CD276: variants seen among roughly 807,000 people sequenced by gnomAD.
CD276 encodes the protein CD276 antigen.
A neutral mutation model predicts 50.0 loss-of-function variants in CD276; 34 were observed. That is an observed-to-expected ratio of 0.68 (90% CI 0.52 to 0.91). The LOEUF (loss-of-function observed/expected upper bound fraction) is 0.91. CD276 is among the 40% of genes least tolerant of loss of function. CD276 has a pLI of 0.00. For missense variants in CD276, 634 were observed against 717.5 expected, an observed-to-expected ratio of 0.88 and a Z score of 1.33; for synonymous variants, 275 against 313.0, an observed-to-expected ratio of 0.88 and a Z score of 1.28.
intron 1 of CD276, among the ~76,000 whole-genome samples, chr15:73,694,254 C>T (rs982235908): frequency 4.6e-5 from 7 of 152,194 alleles, no homozygotes; most frequent in African/African-American, 1.4e-4. Flanking sequence ...TCAATACAAA[C>T]AGTCCCCAAG....
rs776970810 is a variant in CD276, at chr15:73,687,043, G to A, written c.-55+2583G>A. On this transcript the variant is annotated intron_variant, in intron 1 of 9. Coordinates refer to ENST00000318443, the MANE Select transcript of CD276 (RefSeq NM_001024736.2). The surrounding 1 kb of genome is among the most constrained non-coding windows in gnomAD (Gnocchi z 4.0). Reference sequence around the variant, plus strand: ...GCACACCCAGGGCCTAGGGGAGGGGGAGAGGGGTGAGGACTGGTCCACATG... The same window carrying A: ...GCACACCCAGGGCCTAGGGGAGGGGAAGAGGGGTGAGGACTGGTCCACATG... 1.0e-3 allele frequency among the ~76,000 whole-genome samples: 152 copies of A among 152,178 alleles called. No homozygotes were observed. Among genetic ancestry groups the A allele is most frequent in the Non-Finnish European group, 1.2e-3 (82 of 68,038 alleles).
chr15:73,704,215 A>G lies in CD276; in HGVS notation c.1112A>G (p.Lys371Arg). 6.2e-7 allele frequency: 1 copy of G among 1,614,020 alleles called. No individual in the cohort carries two copies. The highest frequency in any genetic ancestry group is 8.5e-7 in the Non-Finnish European group (1 of 1,179,982). ...CCCAGCATGACCCTGGAGCCCAACAAGGACCTGCGGCCAGGGGACACGGTG... is the reference window on the plus strand; with the variant it reads ...CCCAGCATGACCCTGGAGCCCAACAGGGACCTGCGGCCAGGGGACACGGTG... ...SKPSMTLEPN[K>R]DLRPGDTVTI... is the part of the protein sequence containing the mutation. The change falls in exon 6 of 10, where the codon AAG becomes AGG. Residue 371 changes from lysine to arginine, a missense_variant. Physicochemically the swap from Lys to Arg is conservative, Grantham distance 26. Coordinates refer to ENST00000318443, the MANE Select transcript of CD276 (RefSeq NM_001024736.2). The surrounding 1 kb of genome is among the most constrained non-coding windows in gnomAD (Gnocchi z 4.1).
chr15:73,689,558 G>A (rs1899910344), intron 1 of CD276, among the ~76,000 whole-genome samples: 1 of 152,104 alleles, frequency 6.6e-6, no homozygotes, highest in Admixed American at 6.5e-5. Flanking sequence ...CATTTATAGA[G>A]CACCTAGTAT....
chr15:73,703,571 T>C, intron 4 of CD276, 88 bp from the exon 5 acceptor site: 1 of 1,054,276 alleles, frequency 9.5e-7, no homozygotes, highest in South Asian at 1.6e-5. Context: ...GTCTGGGAAT[T>C]GATGGGGGAA....
chr15:73,694,114 C>T (rs1233964124), intron 1 of CD276, among the ~76,000 whole-genome samples: 1 of 152,120 alleles, frequency 6.6e-6, no homozygotes, highest in Non-Finnish European at 1.5e-5. Flanking sequence ...GTGGATGATC[C>T]ATAGTCGAGC....
At chr15:73,690,561 T>A (rs1005112856) in intron 1 of CD276, 5 of 390,526 alleles carry the variant, frequency 1.3e-5, no homozygotes, top group African/African-American at 1.0e-4. Context: ...TATCCTATTG[T>A]GGAAGGGCAT....
At chr15:73,707,032 CCT>C (rs1567022295) in intron 6 of CD276, among the ~76,000 whole-genome samples, 1 of 152,224 alleles carries the variant, frequency 6.6e-6, no homozygotes, top group East Asian at 1.9e-4. Flanking sequence ...TTTCTGCACA[CCT>C]CTCTTCATCA....
At chr15:73,695,843 A>G (rs1410206324) in intron 1 of CD276, among the ~76,000 whole-genome samples, 1 of 152,198 alleles carries the variant, frequency 6.6e-6, no homozygotes, top group Non-Finnish European at 1.5e-5. Flanking sequence ...AGTGTTGCCC[A>G]AGGAGCCCCT....
Position 73,699,570 on chromosome 15 carries a change from G to A in CD276, c.-54-16G>A, listed in dbSNP as rs575599332. ...GAACCTTTGGAGACAAAGGCCTTGC[G>A]TCCTCTTTCTCCCAGGCAGGGGCAG... On this transcript the variant is annotated splice_polypyrimidine_tract_variant and intron_variant, in intron 1 of 9. Transcript: ENST00000318443. 3.7e-5 allele frequency: 58 copies of A among 1,582,572 alleles called. No homozygotes were observed. The highest frequency in any genetic ancestry group is 1.8e-4 in the East Asian group (8 of 43,530).
Position 73,687,256 on chromosome 15 carries a change from A to G in CD276, c.-55+2796A>G, listed in dbSNP as rs1207992521. Among the ~76,000 whole-genome samples the G allele has an allele frequency of 6.6e-6, 1 of 152,120 alleles. No homozygotes were observed. Among genetic ancestry groups the G allele is most frequent in the African/African-American group, 2.4e-5 (1 of 41,400 alleles). On this transcript the variant is annotated intron_variant, in intron 1 of 9. Transcript: ENST00000318443. This position sits in a 1 kb window ranked among gnomAD's most constrained non-coding sequence, Gnocchi z 4.0. ...GGGTTGTGCTGGAGGCTAAATAGAC[A>G]TTATCTCATGTAATCCTCATAGTAA...
At chr15:73,692,609 T>C (rs1900027804) in intron 1 of CD276, among the ~76,000 whole-genome samples, 4 of 152,212 alleles carry the variant, frequency 2.6e-5, no homozygotes, top group Admixed American at 2.6e-4. Context: ...AGCAAAATAA[T>C]ATATATAACA....
chr15:73,706,265 T>A (rs909129784), intron 6 of CD276, among the ~76,000 whole-genome samples: 5 of 151,936 alleles, frequency 3.3e-5, no homozygotes, highest in Admixed American at 3.3e-4. Flanking sequence ...ATAAATAAAA[T>A]AAAAATAAAG....
intron 1 of CD276, among the ~76,000 whole-genome samples, chr15:73,691,142 G>A (rs968673136): frequency 6.6e-6 from 1 of 151,162 alleles, no homozygotes; most frequent in Non-Finnish European, 1.5e-5. Context: ...CAGGGGTAGA[G>A]AGAAATGGAG....
chr15:73,699,158 A>G (rs565832762), intron 1 of CD276, among the ~76,000 whole-genome samples: 19 of 152,246 alleles, frequency 1.2e-4, no homozygotes, highest in African/African-American at 4.3e-4. Context: ...GTGGCTCTCA[A>G]CTGCCTTTAG....
chr15:73,696,724 T>C (rs929353744), intron 1 of CD276, among the ~76,000 whole-genome samples: 11 of 152,104 alleles, frequency 7.2e-5, no homozygotes, highest in African/African-American at 2.2e-4. Flanking sequence ...AAGGAGACAA[T>C]TATATGAAGA....
In CD276 at chr15:73,704,210, C is replaced by A; in HGVS notation, c.1107C>A (p.Pro369=). 1 of 1,613,928 alleles carries A rather than the reference C, an allele frequency of 6.2e-7. No homozygotes were observed. Among genetic ancestry groups the A allele is most frequent in the Non-Finnish European group, 8.5e-7 (1 of 1,179,936 alleles). The part of the protein sequence containing the change: ...PYSKPSMTLE[P]NKDLRPGDTV... ...CGAAGCCCAGCATGACCCTGGAGCC[C>A]AACAAGGACCTGCGGCCAGGGGACA... The change falls in exon 6 of 10, where the codon CCC becomes CCA. Residue 369 remains proline (P), a synonymous_variant. Coordinates refer to ENST00000318443, the MANE Select transcript of CD276 (RefSeq NM_001024736.2). This position sits in a 1 kb window ranked among gnomAD's most constrained non-coding sequence, Gnocchi z 4.1.
intron 8 of CD276, among the ~76,000 whole-genome samples, chr15:73,710,694 G>A (rs1900860701): frequency 6.6e-6 from 1 of 152,238 alleles, no homozygotes; most frequent in Admixed American, 6.5e-5. Flanking sequence ...TTCATGCTCA[G>A]AGGCAGATGT....
chr15:73,685,218 G>GT (rs1183653575), intron 1 of CD276: 1 of 152,004 alleles, frequency 6.6e-6, no homozygotes, highest in Non-Finnish European at 1.5e-5. Flanking sequence ...GCGGGCGACG[G>GT]TGGAGGGAGG....
Position 73,708,409 on chromosome 15 carries a change from G to T in CD276, c.1440G>T (p.Leu480=). 2 of 1,614,196 alleles carry T rather than the reference G, an allele frequency of 1.2e-6. No individual in the cohort carries two copies. The highest frequency in any genetic ancestry group is 1.7e-6 in the Non-Finnish European group (2 of 1,180,028). The change falls in exon 7 of 10, where the codon CTG becomes CTT. Residue 480 remains leucine, a synonymous_variant. Transcript: ENST00000318443. ...GGCTGTCTGTCTGTCTCATTGCACT[G>T]CTGGTGGCCCTGGCTTTCGTGTGCT... is the stretch of plus-strand genomic sequence containing the variant. ...TVGLSVCLIA[L]LVALAFVCWR...
Sources: allele counts gnomAD v4.1 joint callset (sites outside exome capture counted in the v4.1 genomes callset), GRCh38; gene constraint gnomAD v4.1.1; non-coding constraint Gnocchi (gnomAD v3.1); transcripts MANE v1.5; gene names NCBI Gene and HGNC (gene_info 2026-07-23, HGNC 2026-07-21).